The following LAMA1 variants were observed in gnomAD, a reference collection of about 807,000 sequenced individuals.
The protein encoded by LAMA1 is laminin subunit alpha-1.
In LAMA1, 219 loss-of-function variants were observed where a neutral mutation model predicts 348.7. The ratio of observed to expected loss-of-function variants is 0.63; its 90% CI spans 0.56 to 0.70. The LOEUF (loss-of-function observed/expected upper bound fraction) is 0.70. Among genes scored for constraint, LAMA1 ranks in the 30% least tolerant of loss-of-function variants. LAMA1 has a pLI of 0.00. For synonymous variants in LAMA1, 1,487 were observed against 1,491.0 expected (o/e 1.00, Z 0.06); for missense variants, 3,744 against 3,888.0 (o/e 0.96, Z 0.99).
At chr18:7,046,181 C>G in intron 6 of LAMA1, 97 bp downstream of exon 6, 1 of 798,840 alleles carries the variant, frequency 1.3e-6, no homozygotes, top group South Asian at 1.6e-5. Flanking sequence ...AATTTTATAC[C>G]TTTCATGTTT....
chr18:6,949,051 A>G, intron 59 of LAMA1, 50 bp downstream of exon 59: 1 of 1,610,180 alleles, frequency 6.2e-7, no homozygotes, highest in Non-Finnish European at 8.5e-7. Flanking sequence ...TCTACAAAAT[A>G]AACACGAACA....
At chr18:7,068,004 C>T (rs1189652548) in intron 3 of LAMA1, among the ~76,000 whole-genome samples, 1 of 152,300 alleles carries the variant, frequency 6.6e-6, no homozygotes, top group East Asian at 1.9e-4. Context: ...CAGGCATGCA[C>T]CACCATGCCT....
chr18:6,998,044 T>A (rs1268462911), intron 32 of LAMA1, among the ~76,000 whole-genome samples, 160 bp from the exon 33 acceptor site: 1 of 152,212 alleles, frequency 6.6e-6, no homozygotes. Flanking sequence ...TCACTCCAAC[T>A]GTGCCATGGG....
intron 1 of LAMA1, among the ~76,000 whole-genome samples, chr18:7,106,867 G>A (rs2058313921): frequency 6.6e-6 from 1 of 151,958 alleles, no homozygotes; most frequent in Non-Finnish European, 1.5e-5. Context: ...ATGGAAGAAA[G>A]GAAGCCTAAG....
chr18:7,116,153 C>T (rs967173312), intron 1 of LAMA1, among the ~76,000 whole-genome samples: 3 of 152,190 alleles, frequency 2.0e-5, no homozygotes, highest in Non-Finnish European at 4.4e-5. Flanking sequence ...CTCCAAAAAC[C>T]ACTCATAACC....
intron 36 of LAMA1, among the ~76,000 whole-genome samples, chr18:6,987,022 G>A (rs528964762): frequency 1.3e-4 from 20 of 152,264 alleles, no homozygotes; most frequent in African/African-American, 4.1e-4. Context: ...GCCTCTCAAA[G>A]TGCTGGGATT....
At chr18:7,091,202 G>A (rs767401901) in intron 1 of LAMA1, among the ~76,000 whole-genome samples, 1 of 152,136 alleles carries the variant, frequency 6.6e-6, no homozygotes, top group Non-Finnish European at 1.5e-5. Flanking sequence ...CAATTTAAAT[G>A]TTCTACCTGA....
chr18:7,084,306 G>A (rs2058206308), intron 1 of LAMA1, among the ~76,000 whole-genome samples: 1 of 152,046 alleles, frequency 6.6e-6, no homozygotes, highest in Non-Finnish European at 1.5e-5. Flanking sequence ...AGCAGGAGGT[G>A]AGATAGGAAA....
intron 3 of LAMA1, among the ~76,000 whole-genome samples, chr18:7,051,687 G>A (rs2144204205): frequency 6.6e-6 from 1 of 152,252 alleles, no homozygotes; most frequent in South Asian, 2.1e-4. Flanking sequence ...TTTTCATAGT[G>A]ATTTGGAGAT....
At chr18:7,011,562 T>C in intron 24 of LAMA1, 83 bp from the exon 25 acceptor site, 3 of 1,288,824 alleles carry the variant, frequency 2.3e-6, no homozygotes, top group South Asian at 2.5e-5. Flanking sequence ...CATCATTGTT[T>C]CACAGATGAA....
At chr18:7,057,200 G>A (rs1456623127) in intron 3 of LAMA1, among the ~76,000 whole-genome samples, 1 of 152,066 alleles carries the variant, frequency 6.6e-6, no homozygotes, top group Non-Finnish European at 1.5e-5. Context: ...TTCTTACAAA[G>A]TAAGTACTGT....
At chr18:6,987,862 G>A (rs570752) in intron 36 of LAMA1, among the ~76,000 whole-genome samples, 126,754 of 152,218 alleles carry the variant, frequency 0.83, 53,115 homozygotes, top group East Asian at 0.99. Context: ...AAACACATAC[G>A]TAAGAAAACA....
chr18:7,009,444 T>G (rs1430921564), intron 26 of LAMA1, 78 bp from the exon 27 acceptor site: 1 of 1,480,354 alleles, frequency 6.8e-7, no homozygotes, highest in Non-Finnish European at 9.3e-7. Context: ...GAATAAATTC[T>G]TTTATAAATT....
intron 39 of LAMA1, among the ~76,000 whole-genome samples, chr18:6,984,668 T>C (rs1334031929): frequency 2.0e-5 from 3 of 152,188 alleles, no homozygotes; most frequent in Non-Finnish European, 2.9e-5. Context: ...TTTTAGCAAG[T>C]TGAGTACATA....
chr18:7,077,674 CT>C (rs2058174972), intron 3 of LAMA1, among the ~76,000 whole-genome samples: 1 of 152,064 alleles, frequency 6.6e-6, no homozygotes. Flanking sequence ...ATGTCCAGGT[CT>C]TAATTTGGCC....
chr18:6,942,029 T>G lies in LAMA1; in HGVS notation c.*50A>C. ...AGAGATTCTTAATTCACACATACAC[T>G]TCTCCTCAAAATATTAGCAATGATT... On this transcript the variant is annotated 3_prime_UTR_variant, in exon 63 of 63. Transcript: ENST00000389658. 6.2e-7 allele frequency: 1 copy of G among 1,603,314 alleles called. No homozygotes were observed. Among genetic ancestry groups the G allele is most frequent in the Non-Finnish European group, 8.5e-7 (1 of 1,170,944 alleles).
intron 51 of LAMA1, among the ~76,000 whole-genome samples, chr18:6,963,532 G>C (rs1477456480): frequency 6.6e-6 from 1 of 152,234 alleles, no homozygotes; most frequent in Non-Finnish European, 1.5e-5. Context: ...GGGCACAGTG[G>C]AGAAGTGGCT....
At chr18:6,949,296 A>G (rs777053282) in intron 58 of LAMA1, 37 bp from the exon 59 acceptor site, 14 of 1,607,426 alleles carry the variant, frequency 8.7e-6, no homozygotes, top group Non-Finnish European at 1.1e-5. Context: ...TTTTTGAGGA[A>G]TCTGAAAAAA....
intron 1 of LAMA1, among the ~76,000 whole-genome samples, chr18:7,081,105 G>C (rs543671069): frequency 2.2e-4 from 34 of 152,138 alleles, no homozygotes; most frequent in African/African-American, 7.9e-4. Context: ...AGCCGCTGTG[G>C]AGATTGTGCC....
Sources: gnomAD v4.1 joint callset for allele counts (sites outside exome capture counted in the v4.1 genomes callset) on GRCh38, gnomAD v4.1.1 for gene constraint, MANE v1.5 for transcripts, NCBI Gene and HGNC (gene_info 2026-07-23, HGNC 2026-07-21) for gene names.